LRRC7: variants seen among roughly 807,000 people sequenced by gnomAD.
LRRC7 encodes the protein leucine-rich repeat-containing protein 7.
LRRC7 carries 23 observed loss-of-function variants against 175.7 expected under a neutral mutation model. That is an observed-to-expected ratio of 0.13 (90% CI 0.09 to 0.19). The LOEUF (loss-of-function observed/expected upper bound fraction) is 0.19. LRRC7 is among the 10% of genes least tolerant of loss of function. LRRC7 has a pLI of 1.00. For missense variants in LRRC7, 1,354 were observed against 1,904.7 expected, an observed-to-expected ratio of 0.71 and a Z score of 5.38; for synonymous variants, 685 against 680.9, an observed-to-expected ratio of 1.01 and a Z score of -0.09.
At chr1:69,867,116 T>C (rs1372950836) in intron 7 of LRRC7, among the ~76,000 whole-genome samples, 1 of 152,200 alleles carries the variant, frequency 6.6e-6, no homozygotes, top group Non-Finnish European at 1.5e-5. Context: ...GTTCTGATTA[T>C]GATTTTATTA....
intron 1 of LRRC7, among the ~76,000 whole-genome samples, chr1:69,652,161 A>G (rs1655932942): frequency 6.6e-6 from 1 of 152,190 alleles, no homozygotes; most frequent in South Asian, 2.1e-4. Flanking sequence ...CAGAACAATT[A>G]GGCAAGAAAA....
intron 8 of LRRC7, among the ~76,000 whole-genome samples, chr1:69,974,749 G>A (rs374818039): frequency 6.6e-6 from 1 of 152,134 alleles, no homozygotes; most frequent in East Asian, 1.9e-4. Flanking sequence ...GGAAGTTTTT[G>A]AAGCTTCCTC....
Position 69,758,555 on chromosome 1 carries a change from C to T in LRRC7, c.101-1636C>T, listed in dbSNP as rs574623980. Among the ~76,000 whole-genome samples, 8 of 151,912 alleles carry T rather than the reference C, an allele frequency of 5.3e-5. No individual in the cohort carries two copies. In the South Asian group the frequency reaches 6.2e-4, roughly 12 times the overall value. On this transcript the variant is annotated intron_variant, in intron 2 of 26. Coordinates refer to ENST00000651989, the MANE Select transcript of LRRC7 (RefSeq NM_001370785.2). ...GGGCACATGTGCAGCATTGGTTACA[C>T]GGGTAAATTGTATGTTGCAGAATTT...
At chr1:69,959,513 A>C (rs1398281996) in intron 8 of LRRC7, among the ~76,000 whole-genome samples, 1 of 152,136 alleles carries the variant, frequency 6.6e-6, no homozygotes, top group Non-Finnish European at 1.5e-5. Context: ...CATTGTGATG[A>C]CAAATCTAAG....
intron 2 of LRRC7, among the ~76,000 whole-genome samples, chr1:69,698,399 G>T (rs1223287986): frequency 6.6e-6 from 1 of 152,126 alleles, no homozygotes; most frequent in Non-Finnish European, 1.5e-5. Context: ...ATGATGCATT[G>T]CCAAAACATG....
intron 8 of LRRC7, among the ~76,000 whole-genome samples, chr1:69,973,395 T>A (rs1015774044): frequency 3.3e-5 from 5 of 151,834 alleles, no homozygotes; most frequent in African/African-American, 1.2e-4. Context: ...AAGAACTTAC[T>A]CATGTAACCA....
chr1:69,999,197 T>G (rs918871995), intron 11 of LRRC7, among the ~76,000 whole-genome samples: 11 of 152,206 alleles, frequency 7.2e-5, no homozygotes, highest in Non-Finnish European at 5.9e-5. Context: ...AATAGTGACC[T>G]GGTATAAGCT....
intron 1 of LRRC7, among the ~76,000 whole-genome samples, chr1:69,572,513 G>T (rs1248370034): frequency 6.6e-6 from 1 of 152,058 alleles, no homozygotes; most frequent in African/African-American, 2.4e-5. Flanking sequence ...TTGAATGATG[G>T]TTGCCACAAA....
rs775728075 is a variant in LRRC7, at chr1:70,039,177, C to T, written c.3353C>T (p.Pro1118Leu). 4 of 1,614,124 alleles carry T rather than the reference C, an allele frequency of 2.5e-6. No homozygotes were observed. Among genetic ancestry groups the T allele is most frequent in the Non-Finnish European group, 3.4e-6 (4 of 1,180,004 alleles). Residue 1118 changes from proline to leucine, a missense_variant, in exon 21 of 27, where the codon CCA becomes CTA. Physicochemically the swap from Pro to Leu is moderately conservative, Grantham distance 98. This residue lies in a region of LRRC7 where 1,032 missense variants were observed against 1,227.2 expected (regional missense o/e 0.84). Coordinates refer to ENST00000651989, the MANE Select transcript of LRRC7 (RefSeq NM_001370785.2). ...AGTCCTAGAGCTTACAGAGGATACC[C>T]ACCGATGGAGCAAATGTTTTCATTT... ...LISPRAYRGYPPMEQMFSFSQ... is the reference protein window; with the variant it reads ...LISPRAYRGYLPMEQMFSFSQ...
chr1:69,747,240 C>T (rs1008789525), intron 2 of LRRC7, among the ~76,000 whole-genome samples: 24 of 152,050 alleles, frequency 1.6e-4, no homozygotes, highest in Admixed American at 3.3e-4. Context: ...AATTTTTCTA[C>T]GAAGTTAATC....
chr1:69,766,509 C>G (rs1569621910), intron 3 of LRRC7, among the ~76,000 whole-genome samples: 1 of 152,076 alleles, frequency 6.6e-6, no homozygotes, highest in Non-Finnish European at 1.5e-5. Flanking sequence ...AGAGTGGATA[C>G]AACATTAGTG....
chr1:69,784,405 G>A (rs1301490989), intron 3 of LRRC7, among the ~76,000 whole-genome samples: 14 of 151,936 alleles, frequency 9.2e-5, no homozygotes, highest in African/African-American at 1.4e-4. Context: ...TATTACATAC[G>A]CTCTTGGGTC....
chr1:70,015,156 A>G (rs1476867201), intron 13 of LRRC7, among the ~76,000 whole-genome samples: 4 of 152,096 alleles, frequency 2.6e-5, no homozygotes, highest in Admixed American at 6.6e-5. Context: ...TGTAACAATT[A>G]TATAAAAAAG....
chr1:69,678,891 T>C (rs911498433), intron 2 of LRRC7, among the ~76,000 whole-genome samples: 3 of 152,128 alleles, frequency 2.0e-5, no homozygotes, highest in African/African-American at 7.2e-5. Flanking sequence ...TTTTTTTAAC[T>C]GAGAACTTTT....
chr1:69,940,634 T>TA (rs917522180), intron 8 of LRRC7, among the ~76,000 whole-genome samples: 4 of 151,382 alleles, frequency 2.6e-5, no homozygotes, highest in Non-Finnish European at 5.9e-5. Context: ...CCTGCAAAAA[T>TA]AAAAAAAATC....
At chr1:69,916,533 T>C (rs1646723109) in intron 7 of LRRC7, among the ~76,000 whole-genome samples, 1 of 151,916 alleles carries the variant, frequency 6.6e-6, no homozygotes, top group South Asian at 2.1e-4. Flanking sequence ...ATCCTCATTA[T>C]AGTATTCATT....
chr1:69,679,652 T>C (rs971135935), intron 2 of LRRC7, among the ~76,000 whole-genome samples: 3 of 152,124 alleles, frequency 2.0e-5, no homozygotes, highest in African/African-American at 7.2e-5. Context: ...GTATTGCGTA[T>C]TTCTGTTGGG....
chr1:69,642,970 G>A, intron 1 of LRRC7, among the ~76,000 whole-genome samples: 1 of 152,076 alleles, frequency 6.6e-6, no homozygotes, highest in Non-Finnish European at 1.5e-5. Context: ...AGCCAGAGGT[G>A]TAATCCAGTC....
At chr1:69,990,043 G>T (rs1243608929) in intron 10 of LRRC7, among the ~76,000 whole-genome samples, 1 of 152,030 alleles carries the variant, frequency 6.6e-6, no homozygotes, top group Admixed American at 6.6e-5. Flanking sequence ...ATTCAAGAGT[G>T]AGCACACAAC....
Sources: allele counts gnomAD v4.1 joint callset (sites outside exome capture counted in the v4.1 genomes callset), GRCh38; gene constraint gnomAD v4.1.1; regional missense constraint gnomAD v4.1.1; transcripts MANE v1.5; gene names NCBI Gene and HGNC (gene_info 2026-07-23, HGNC 2026-07-21).